Variants in RASGRF2 observed in about 807,000 individuals in gnomAD.
RASGRF2 encodes the protein ras-specific guanine nucleotide-releasing factor 2.
In RASGRF2, 76 loss-of-function variants were observed where a neutral mutation model predicts 151.0. That is an observed-to-expected ratio of 0.50 (90% CI 0.42 to 0.61). The LOEUF (loss-of-function observed/expected upper bound fraction) is 0.61. Ranked by LOEUF, RASGRF2 falls within the 20% of genes least tolerant of loss-of-function variation. RASGRF2 has a pLI of 0.00. For missense variants in RASGRF2, 1,148 were observed against 1,564.6 expected (o/e 0.73, Z 4.49); for synonymous variants, 504 against 566.5 (o/e 0.89, Z 1.57).
chr5:81,096,142 T>A (rs748080231), intron 12 of RASGRF2: 3 of 152,136 alleles, frequency 2.0e-5, no homozygotes, highest in Admixed American at 6.6e-5. Flanking sequence ...TTATATACCC[T>A]CAGGATGGCT....
rs190801892 is a variant in RASGRF2, at chr5:81,059,705, C to T, written c.396-8327C>T. Among the ~76,000 whole-genome samples, 1,226 of 151,960 alleles carry T rather than the reference C, an allele frequency of 8.1e-3. 11 individuals are homozygous for T. The highest frequency in any genetic ancestry group is 0.018 in the South Asian group (86 of 4,816). The stretch of plus-strand genomic sequence containing the variant: ...ACTAAAAATATAAAAATTAGCCAGG[C>T]ATGGTGGCGGGCACCTGTAATCCCA... On this transcript the variant is annotated intron_variant, in intron 2 of 26. Coordinates refer to ENST00000265080, the MANE Select transcript of RASGRF2 (RefSeq NM_006909.3).
chr5:81,204,290 C>T (rs1030770663), intron 19 of RASGRF2: 4 of 152,160 alleles, frequency 2.6e-5, no homozygotes, highest in Admixed American at 2.0e-4. Context: ...GGAAAGAATT[C>T]TGAACCATGC....
intron 1 of RASGRF2, among the ~76,000 whole-genome samples, chr5:81,031,847 C>T (rs1010887225): frequency 3.3e-5 from 5 of 152,116 alleles, no homozygotes; most frequent in East Asian, 3.9e-4. Flanking sequence ...TTCAAAAAAT[C>T]AATGAATCCA....
intron 17 of RASGRF2, among the ~76,000 whole-genome samples, chr5:81,145,227 C>A (rs754695405): frequency 1.3e-4 from 20 of 151,998 alleles, no homozygotes; most frequent in Non-Finnish European, 2.6e-4. Context: ...GAAACTCTGT[C>A]TCAAAAAATG....
intron 2 of RASGRF2, among the ~76,000 whole-genome samples, chr5:81,055,274 A>C (rs1011954777): frequency 6.6e-6 from 1 of 152,134 alleles, no homozygotes; most frequent in Non-Finnish European, 1.5e-5. Flanking sequence ...TGTCATAGAT[A>C]GCTCTTATTA....
chr5:81,108,435 C>T (rs1420481855), intron 12 of RASGRF2, among the ~76,000 whole-genome samples: 2 of 152,164 alleles, frequency 1.3e-5, no homozygotes, highest in Non-Finnish European at 2.9e-5. Context: ...CACCAAACAG[C>T]ATTAGTATCA....
intron 17 of RASGRF2, among the ~76,000 whole-genome samples, chr5:81,155,382 C>T (rs141359218): frequency 6.6e-5 from 10 of 151,930 alleles, no homozygotes; most frequent in African/African-American, 1.9e-4. Context: ...CAGGAAAAAA[C>T]ATTAGAGAAA....
chr5:81,094,160 C>T, intron 10 of RASGRF2, 136 bp from the exon 11 acceptor site: 1 of 635,684 alleles, frequency 1.6e-6, no homozygotes, highest in Non-Finnish European at 2.6e-6. Context: ...TAATTTTGGG[C>T]TCTATGAAAA....
chr5:81,034,644 T>C (rs1395516451), intron 1 of RASGRF2, among the ~76,000 whole-genome samples: 2 of 151,500 alleles, frequency 1.3e-5, no homozygotes, highest in African/African-American at 4.8e-5. Context: ...TTCATGTCCT[T>C]TGTAGGGACA....
At chr5:81,004,694 G>A (rs999440339) in intron 1 of RASGRF2, among the ~76,000 whole-genome samples, 4 of 152,204 alleles carry the variant, frequency 2.6e-5, no homozygotes, top group African/African-American at 9.7e-5. Flanking sequence ...GCAATTTAAG[G>A]TGGTCATTCC....
intron 18 of RASGRF2, among the ~76,000 whole-genome samples, chr5:81,187,443 C>T (rs1755049828): frequency 6.6e-6 from 1 of 152,240 alleles, no homozygotes. Flanking sequence ...CACAGTGCCT[C>T]ATTCCTCTGA....
intron 15 of RASGRF2, among the ~76,000 whole-genome samples, chr5:81,121,819 G>C (rs551923497): frequency 3.9e-5 from 6 of 152,206 alleles, no homozygotes; most frequent in African/African-American, 1.4e-4. Flanking sequence ...CAAGCCAAAG[G>C]GTCGCTCACT....
chr5:81,144,816 C>T (rs2112608084), intron 17 of RASGRF2, among the ~76,000 whole-genome samples: 1 of 152,322 alleles, frequency 6.6e-6, no homozygotes, highest in Admixed American at 6.5e-5. Flanking sequence ...CCTAAGGTCA[C>T]TTAGGTCACA....
chr5:81,174,097 G>A (rs1048765922), intron 17 of RASGRF2, among the ~76,000 whole-genome samples: 2 of 152,176 alleles, frequency 1.3e-5, no homozygotes, highest in African/African-American at 2.4e-5. Context: ...TCTAACAGGT[G>A]CTACCAAAAG....
rs537704065 is a variant in RASGRF2 at position 81,104,346 on chromosome 5, A to G, written c.1756-4650A>G. ...ATTCATTTTTGCCTGTATCTCTTAA[A>G]TTTCTAACTATAAAGTCCTATATTC... is the stretch of plus-strand genomic sequence containing the variant. On this transcript the variant is annotated intron_variant, in intron 12 of 26. Transcript: ENST00000265080. Among the ~76,000 whole-genome samples, 4 of 152,220 alleles carry G rather than the reference A, an allele frequency of 2.6e-5. No individual in the cohort carries two copies. The South Asian group carries it at 8.3e-4, about 32-fold the overall frequency.
At chr5:80,976,603 G>A (rs539006881) in intron 1 of RASGRF2, among the ~76,000 whole-genome samples, 2 of 152,236 alleles carry the variant, frequency 1.3e-5, no homozygotes, top group Non-Finnish European at 2.9e-5. Flanking sequence ...CGGGTGTTGG[G>A]GAACAGCAGT....
chr5:81,187,844 C>T (rs1297774765), intron 18 of RASGRF2, among the ~76,000 whole-genome samples: 2 of 152,164 alleles, frequency 1.3e-5, no homozygotes, highest in Non-Finnish European at 2.9e-5. Context: ...ACAGGGGCGG[C>T]TTCTAAATTT....
chr5:81,000,360 G>T (rs1749039427), intron 1 of RASGRF2, among the ~76,000 whole-genome samples: 1 of 152,174 alleles, frequency 6.6e-6, no homozygotes, highest in Non-Finnish European at 1.5e-5. Flanking sequence ...TTCTGCCTCA[G>T]CCTCCTGAGT....
intron 1 of RASGRF2, among the ~76,000 whole-genome samples, chr5:80,998,810 C>T (rs953254232): frequency 2.6e-5 from 4 of 152,308 alleles, no homozygotes; most frequent in Admixed American, 1.3e-4. Flanking sequence ...GCCCAGTAGG[C>T]GAAGAGCAGG....
Sources: gnomAD v4.1 joint callset for allele counts (sites outside exome capture counted in the v4.1 genomes callset) on GRCh38, gnomAD v4.1.1 for gene constraint, MANE v1.5 for transcripts, NCBI Gene and HGNC (gene_info 2026-07-23, HGNC 2026-07-21) for gene names.